Variants in KCNJ6 observed in about 807,000 individuals in gnomAD.
KCNJ6 encodes G protein-activated inward rectifier potassium channel 2.
A neutral mutation model predicts 34.2 loss-of-function variants in KCNJ6; 9 were observed. The ratio of observed to expected loss-of-function variants is 0.26; its 90% CI spans 0.16 to 0.46. The LOEUF (loss-of-function observed/expected upper bound fraction) is 0.46, where lower values mean the gene tolerates loss of function less well. KCNJ6 is among the 20% of genes least tolerant of loss of function. KCNJ6 has a pLI of 1.00. For synonymous variants in KCNJ6, 196 were observed against 207.1 expected, an observed-to-expected ratio of 0.95 and a Z score of 0.46; for missense variants, 236 against 531.3, an observed-to-expected ratio of 0.44 and a Z score of 5.46.
intron 3 of KCNJ6, among the ~76,000 whole-genome samples, chr21:37,631,515 C>T (rs538995235): frequency 1.3e-4 from 20 of 152,288 alleles, no homozygotes; most frequent in Admixed American, 1.2e-3. Context: ...GTTGAGGCCT[C>T]TGGACAATGT....
intron 1 of KCNJ6, among the ~76,000 whole-genome samples, chr21:37,894,579 G>T (rs2055778644): frequency 6.6e-6 from 1 of 152,126 alleles, no homozygotes; most frequent in African/African-American, 2.4e-5. Flanking sequence ...GCAGAGAACT[G>T]CTTGAACCCG....
At chr21:37,631,836 A>G (rs1331737991) in intron 3 of KCNJ6, among the ~76,000 whole-genome samples, 1 of 152,192 alleles carries the variant, frequency 6.6e-6, no homozygotes, top group African/African-American at 2.4e-5. Context: ...ACCAGCCCTG[A>G]GTGCAGCCTT....
intron 3 of KCNJ6, among the ~76,000 whole-genome samples, chr21:37,712,642 C>T (rs1159202052): frequency 0.027 from 1,512 of 56,578 alleles, 354 homozygotes; most frequent in Non-Finnish European, 0.041. Flanking sequence ...TCCCTCCTCC[C>T]CTTCTCCTCC....
intron 2 of KCNJ6, among the ~76,000 whole-genome samples, chr21:37,767,449 G>A (rs1407669502): frequency 1.3e-5 from 2 of 152,120 alleles, no homozygotes; most frequent in South Asian, 2.1e-4. Flanking sequence ...GAAGCAACCG[G>A]AGCAGTTAAG....
chr21:37,884,075 A>C (rs1157224661), intron 1 of KCNJ6, among the ~76,000 whole-genome samples: 1 of 152,198 alleles, frequency 6.6e-6, no homozygotes, highest in African/African-American at 2.4e-5. Flanking sequence ...TCTGTTTAAA[A>C]AGTCTAAAGC....
intron 2 of KCNJ6, among the ~76,000 whole-genome samples, chr21:37,829,923 G>C (rs376772657): frequency 6.6e-6 from 1 of 152,128 alleles, no homozygotes; most frequent in Non-Finnish European, 1.5e-5. Context: ...GGAAGTCATC[G>C]GGCAGGCCCT....
At position 37,655,257 on chromosome 21, in the gene KCNJ6, G is replaced by GAA. The variant is rs2054457883; in HGVS notation, c.947-29774_947-29773insTT. Reference sequence around the variant, plus strand: ...AGAGAGAGAGAGAGAGAGAGAGAGAGAGAGAGAGAGAGAGAGAGAGAGAGA... The same window carrying GAA: ...AGAGAGAGAGAGAGAGAGAGAGAGAGAAAGAGAGAGAGAGAGAGAGAGAGAGA... On this transcript the variant is annotated intron_variant, in intron 3 of 3. Transcript: ENST00000609713. Among the ~76,000 whole-genome samples the GAA allele has an allele frequency of 2.2e-5, 3 of 135,812 alleles. 1 individual carries two copies. Among genetic ancestry groups the GAA allele is most frequent in the Non-Finnish European group, 4.7e-5 (3 of 63,880 alleles). The allele number at this position is 135,812 out of a possible 152,430, so 89.1% of individuals were successfully genotyped here. A position where few individuals can be genotyped will look rare whatever the true frequency, so the allele number is the denominator to read the frequency against.
chr21:37,864,116 T>TC (rs1304078724), intron 1 of KCNJ6, among the ~76,000 whole-genome samples: 2 of 151,512 alleles, frequency 1.3e-5, no homozygotes, highest in African/African-American at 2.4e-5. Context: ...ATTCTCTATT[T>TC]TTTTTTTTTG....
In KCNJ6 at chr21:37,758,499, G is replaced by T. The variant is rs556308229; in HGVS notation, c.26-43368C>A. On this transcript the variant is annotated intron_variant, in intron 2 of 3. Transcript: ENST00000609713. ...TTTGCTGATTGCCATGATGTGAATT[G>T]CTTTTACCACTGCGGATTTCAAGAT... Among the ~76,000 whole-genome samples the T allele has an allele frequency of 3.4e-4, 52 of 152,298 alleles. 1 individual carries two copies. The highest frequency in any genetic ancestry group is 1.1e-3 in the Admixed American group (17 of 15,292).
chr21:37,653,919 A>C (rs2054445188), intron 3 of KCNJ6, among the ~76,000 whole-genome samples: 1 of 152,098 alleles, frequency 6.6e-6, no homozygotes, highest in South Asian at 2.1e-4. Context: ...GACATTACTC[A>C]AAGTGTGAGA....
chr21:37,705,051 T>C (rs1220231055), intron 3 of KCNJ6, among the ~76,000 whole-genome samples: 3 of 152,132 alleles, frequency 2.0e-5, no homozygotes, highest in South Asian at 2.1e-4. Context: ...CCAACTGTTA[T>C]GCAAGACTGG....
chr21:37,714,611 A>C lies in KCNJ6; in HGVS notation c.546T>G (p.Asn182Lys). 6.2e-7 allele frequency: 1 copy of C among 1,614,156 alleles called. No homozygotes were observed. Among genetic ancestry groups the C allele is most frequent in the Non-Finnish European group, 8.5e-7 (1 of 1,180,030 alleles). The change falls in exon 3 of 4, where the codon AAT becomes AAG. Residue 182 changes from asparagine to lysine, a missense_variant. Around this residue, in one of 5 missense-constraint regions of KCNJ6, gnomAD observed 68 missense variants for 165.7 expected, o/e 0.41. Transcript: ENST00000609713. The surrounding 1 kb of genome is among the most constrained non-coding windows in gnomAD (Gnocchi z 5.9). ...LIQSVLGSIV[N>K]AFMVGCMFVK... ...CAAACATGCATCCCACCATGAATGC[A>C]TTGACAATGGACCCCAACACAGATT...
chr21:37,839,521 A>G (rs926637118), intron 2 of KCNJ6, among the ~76,000 whole-genome samples: 2 of 152,222 alleles, frequency 1.3e-5, no homozygotes, highest in African/African-American at 2.4e-5. Context: ...TAATAGTCTC[A>G]TGATTAGAGG....
chr21:37,675,959 G>A lies in KCNJ6; in HGVS notation c.946+38252C>T, dbSNP rs930986529. 1.3e-5 allele frequency among the ~76,000 whole-genome samples: 2 copies of A among 152,214 alleles called. No individual in the cohort carries two copies. Among genetic ancestry groups the A allele is most frequent in the Non-Finnish European group, 2.9e-5 (2 of 68,046 alleles). ...GCTTGGCTCCTCTGTCCTCATGTGAGCTCTGGACCAGCAATACCTGCACCC... is the reference window on the plus strand; with the variant it reads ...GCTTGGCTCCTCTGTCCTCATGTGAACTCTGGACCAGCAATACCTGCACCC... On this transcript the variant is annotated intron_variant, in intron 3 of 3. Transcript: ENST00000609713. This position sits in a 1 kb window ranked among gnomAD's most constrained non-coding sequence, Gnocchi z 4.2.
intron 3 of KCNJ6, among the ~76,000 whole-genome samples, chr21:37,703,776 C>A (rs2054704327): frequency 6.6e-6 from 1 of 152,210 alleles, no homozygotes; most frequent in Non-Finnish European, 1.5e-5. Context: ...GACAGAAACG[C>A]CACTGTGCCA....
intron 3 of KCNJ6, among the ~76,000 whole-genome samples, chr21:37,699,119 A>G (rs1258133632): frequency 1.3e-5 from 2 of 152,220 alleles, no homozygotes; most frequent in Non-Finnish European, 2.9e-5. Flanking sequence ...GTTGTGACGG[A>G]GACTATCCAC....
chr21:37,776,778 A>G, intron 2 of KCNJ6, among the ~76,000 whole-genome samples: 1 of 152,242 alleles, frequency 6.6e-6, no homozygotes, highest in South Asian at 2.1e-4. Context: ...TTTTGTATCG[A>G]TGTTCATCAG....
intron 2 of KCNJ6, among the ~76,000 whole-genome samples, chr21:37,797,460 G>A (rs560897910): frequency 6.6e-6 from 1 of 152,334 alleles, no homozygotes; most frequent in South Asian, 2.1e-4. Context: ...CCCAGTGTCT[G>A]GAGTGAAGGG....
Position 37,608,903 on chromosome 21 carries a change from C to T in KCNJ6, c.*16256G>A, listed in dbSNP as rs1198330229. The T allele has an allele frequency of 6.6e-6, 1 of 152,168 alleles. No individual in the cohort carries two copies. Among genetic ancestry groups the T allele is most frequent in the African/African-American group, 2.4e-5 (1 of 41,446 alleles). 9.4% of individuals were successfully genotyped at this position (152,168 alleles called of 1,614,324 possible). ...ACATTTGGAGTAATAAAATATGGGG[C>T]ATCAGCTAACTTTCAGAATATTTTG... On this transcript the variant is annotated 3_prime_UTR_variant, in exon 4 of 4. Coordinates refer to ENST00000609713, the MANE Select transcript of KCNJ6 (RefSeq NM_002240.5).
Sources: allele counts gnomAD v4.1 joint callset (sites outside exome capture counted in the v4.1 genomes callset), GRCh38; gene constraint gnomAD v4.1.1; regional missense constraint gnomAD v4.1.1; non-coding constraint Gnocchi (gnomAD v3.1); transcripts MANE v1.5; gene names NCBI Gene and HGNC (gene_info 2026-07-23, HGNC 2026-07-21).